The following ZFHX3 variants were observed in gnomAD, a reference collection of about 807,000 sequenced individuals.
The protein encoded by ZFHX3 is zinc finger homeobox protein 3.
In ZFHX3, 42 loss-of-function variants were observed where a neutral mutation model predicts 279.1. That is an observed-to-expected ratio of 0.15 (90% CI 0.12 to 0.19). The LOEUF (loss-of-function observed/expected upper bound fraction) is 0.19, where lower values mean the gene tolerates loss of function less well. ZFHX3 is among the 10% of genes least tolerant of loss of function. ZFHX3 has a pLI of 1.00. For missense variants in ZFHX3, 4,981 were observed against 4,754.0 expected (o/e 1.05, Z -1.40); for synonymous variants, 2,293 against 1,957.8 (o/e 1.17, Z -4.52).
chr16:73,024,965 C>G (rs767578594), intron 1 of ZFHX3, among the ~76,000 whole-genome samples: 17 of 152,192 alleles, frequency 1.1e-4, no homozygotes, highest in Non-Finnish European at 1.9e-4. Context: ...TTGACTGCCC[C>G]TTAGACACCG....
In ZFHX3 at chr16:72,957,678, A is replaced by C. The variant is rs762453661; in HGVS notation, c.2468T>G (p.Met823Arg). ...TNVARNLRIH[M>R]TSEKHMHNMM... ...GTTATGCATGTGCTTCTCACTGGTCATGTGAATGCGGAGGTTCCTGGCCAC... is the reference window on the plus strand; with the variant it reads ...GTTATGCATGTGCTTCTCACTGGTCCTGTGAATGCGGAGGTTCCTGGCCAC... Residue 823 changes from methionine to arginine, a missense_variant, in exon 2 of 10, where the codon ATG (methionine) becomes AGG (arginine). Physicochemically the swap from Met to Arg is moderately conservative, Grantham distance 91. Around this residue, in one of 7 missense-constraint regions of ZFHX3, gnomAD observed 1,751 missense variants for 1,770.0 expected, o/e 0.99. Coordinates refer to ENST00000268489, the MANE Select transcript of ZFHX3 (RefSeq NM_006885.4). The C allele has an allele frequency of 9.9e-6, 16 of 1,614,054 alleles. No homozygotes were observed. The African/African-American group carries it at 1.2e-4, about 12-fold the overall frequency.
At chr16:73,758,628 G>C (rs1349965894) in intron 1 of ZFHX3, among the ~76,000 whole-genome samples, 1 of 152,212 alleles carries the variant, frequency 6.6e-6, no homozygotes, top group East Asian at 1.9e-4. Flanking sequence ...GGAAGGATAA[G>C]TGGCCTGGTC....
At chr16:73,626,192 C>T (rs570582291) in intron 2 of ZFHX3, among the ~76,000 whole-genome samples, 2 of 152,158 alleles carry the variant, frequency 1.3e-5, no homozygotes, top group East Asian at 3.9e-4. Context: ...CATAGGACTA[C>T]ATAATAAATT....
chr16:73,518,945 G>A (rs114979506), intron 2 of ZFHX3, among the ~76,000 whole-genome samples: 106 of 152,324 alleles, frequency 7.0e-4, no homozygotes, highest in African/African-American at 2.4e-3. Flanking sequence ...AAGCAGCGAA[G>A]GCAAGGAGAT....
intron 2 of ZFHX3, among the ~76,000 whole-genome samples, chr16:73,480,774 A>G (rs1489082451): frequency 6.6e-6 from 1 of 152,010 alleles, no homozygotes; most frequent in African/African-American, 2.4e-5. Flanking sequence ...ACATTGCCAG[A>G]CACTAGCTTG....
At chr16:73,655,658 G>C (rs940834771) in intron 2 of ZFHX3, among the ~76,000 whole-genome samples, 45 of 152,100 alleles carry the variant, frequency 3.0e-4, no homozygotes, top group Non-Finnish European at 4.4e-5. Context: ...ATTTAAAAAT[G>C]CAAGTGATAC....
At chr16:73,768,688 C>G (rs1330511310) in intron 1 of ZFHX3, among the ~76,000 whole-genome samples, 2 of 152,122 alleles carry the variant, frequency 1.3e-5, no homozygotes, top group African/African-American at 2.4e-5. Context: ...ATAGAATCAT[C>G]AAACTTTAGA....
chr16:73,151,208 A>G (rs971666045), intron 5 of ZFHX3, among the ~76,000 whole-genome samples: 20 of 152,212 alleles, frequency 1.3e-4, no homozygotes, highest in African/African-American at 4.8e-4. Flanking sequence ...TCTGTATTGT[A>G]TATAATTTCT....
chr16:72,931,421 A>G lies in ZFHX3; in HGVS notation c.3216+19048T>C, dbSNP rs1373412720. Among the ~76,000 whole-genome samples the G allele has an allele frequency of 9.9e-5, 14 of 141,264 alleles. 1 individual carries two copies. Among genetic ancestry groups the G allele is most frequent in the African/African-American group, 3.5e-4 (14 of 39,912 alleles). The allele number at this position is 141,264 out of a possible 152,430, so 92.7% of individuals were successfully genotyped here. On this transcript the variant is annotated intron_variant, in intron 3 of 9. Coordinates refer to ENST00000268489, the MANE Select transcript of ZFHX3 (RefSeq NM_006885.4). ...TATTTCATTACACACACACACACAC[A>G]CACACACACACACACACACACACAC...
chr16:73,697,957 T>A (rs568935665), intron 1 of ZFHX3, among the ~76,000 whole-genome samples: 1 of 152,160 alleles, frequency 6.6e-6, no homozygotes, highest in Admixed American at 6.5e-5. Flanking sequence ...ATTTATCCAA[T>A]GAAAGGAACC....
rs770956429 is a variant in ZFHX3, at chr16:72,811,745, A to C, written c.3696T>G (p.Asn1232Lys). The C allele has an allele frequency of 6.2e-7, 1 of 1,614,054 alleles. No individual in the cohort carries two copies. The highest frequency in any genetic ancestry group is 8.5e-7 in the Non-Finnish European group (1 of 1,179,988). Residue 1232 changes from asparagine to lysine, a missense_variant, in exon 7 of 10, where the codon AAT (asparagine) becomes AAG (lysine). Around this residue, in one of 7 missense-constraint regions of ZFHX3, gnomAD observed 1,751 missense variants for 1,770.0 expected, o/e 0.99. Transcript: ENST00000268489. Reference sequence around the variant, plus strand: ...GCACCCGGAGCCGGTTGACATCGGCATTACTGTACTTGCAGTAGGGACACT... The same window carrying C: ...GCACCCGGAGCCGGTTGACATCGGCCTTACTGTACTTGCAGTAGGGACACT... ...MYQCPYCKYS[N>K]ADVNRLRVHA...
At chr16:72,851,313 T>C (rs571776777) in intron 4 of ZFHX3, among the ~76,000 whole-genome samples, 26 of 152,182 alleles carry the variant, frequency 1.7e-4, no homozygotes, top group African/African-American at 5.8e-4. Context: ...TGAAACAGGA[T>C]TGCACATTCT....
intron 2 of ZFHX3, among the ~76,000 whole-genome samples, chr16:73,638,932 G>A (rs1375207051): frequency 6.6e-6 from 1 of 152,130 alleles, no homozygotes; most frequent in Non-Finnish European, 1.5e-5. Context: ...GAGAGATACT[G>A]AGGCTTCATT....
At chr16:73,267,683 T>C (rs1388321387) in intron 4 of ZFHX3, among the ~76,000 whole-genome samples, 1 of 152,194 alleles carries the variant, frequency 6.6e-6, no homozygotes, top group Non-Finnish European at 1.5e-5. Flanking sequence ...CAGCTTGGTC[T>C]AGCCTGGGGT....
chr16:73,194,811 T>A (rs1254656084), intron 5 of ZFHX3, among the ~76,000 whole-genome samples: 1 of 152,208 alleles, frequency 6.6e-6, no homozygotes, highest in East Asian at 1.9e-4. Flanking sequence ...AGTCACTTTG[T>A]TAAGAATTCC....
At chr16:72,814,606 CTTCT>C (rs1257030877) in intron 5 of ZFHX3, among the ~76,000 whole-genome samples, 2 of 102,716 alleles carry the variant, frequency 1.9e-5, no homozygotes, top group African/African-American at 3.4e-5. Context: ...GAGAGGGGAA[CTTCT>C]TTTTTTTTTT....
intron 1 of ZFHX3, among the ~76,000 whole-genome samples, chr16:73,025,021 G>A (rs1964446275): frequency 1.3e-5 from 2 of 152,132 alleles, no homozygotes; most frequent in African/African-American, 2.4e-5. Flanking sequence ...TCCCACATAT[G>A]ATCTCCGCAT....
intron 1 of ZFHX3, among the ~76,000 whole-genome samples, chr16:72,981,357 G>A (rs1962592200): frequency 6.6e-6 from 1 of 152,102 alleles, no homozygotes; most frequent in Non-Finnish European, 1.5e-5. Flanking sequence ...ACAGCCTAAG[G>A]TTATATAACA....
intron 3 of ZFHX3, among the ~76,000 whole-genome samples, chr16:73,349,120 ATC>A (rs2016175497): frequency 6.6e-6 from 1 of 152,152 alleles, no homozygotes; most frequent in Admixed American, 6.5e-5. Context: ...CCACTCAGGG[ATC>A]TCCCGAGGGA....
Sources: allele counts gnomAD v4.1 joint callset (sites outside exome capture counted in the v4.1 genomes callset), GRCh38; gene constraint gnomAD v4.1.1; regional missense constraint gnomAD v4.1.1; transcripts MANE v1.5; gene names NCBI Gene and HGNC (gene_info 2026-07-23, HGNC 2026-07-21).